RAB28: variants seen among roughly 807,000 people sequenced by gnomAD.
The protein encoded by RAB28 is ras-related protein Rab-28.
Under a neutral mutation model 31.7 loss-of-function variants are expected in RAB28, and 24 were observed. That is an observed-to-expected ratio of 0.76 (90% CI 0.55 to 1.06). The LOEUF (loss-of-function observed/expected upper bound fraction) is 1.06. RAB28 is among the 50% of genes least tolerant of loss of function. The probability of loss-of-function intolerance (pLI) is 0.00; values close to 1 mark genes in which losing one functional copy is unlikely to be tolerated. For missense variants in RAB28, 254 were observed against 258.5 expected (o/e 0.98, Z 0.12); for synonymous variants, 100 against 90.4 (o/e 1.11, Z -0.60).
At position 13,381,603 on chromosome 4, in the gene RAB28, G is replaced by A; in HGVS notation, c.392-9C>T. ...CATATGCTCCAAATCAACTAGAAAG[G>A]TGTTAAAGAAAGAAAATAATTCAAT... is the stretch of plus-strand genomic sequence containing the variant. On this transcript the variant is annotated splice_polypyrimidine_tract_variant and intron_variant, in intron 4 of 6. Coordinates refer to ENST00000330852, the MANE Select transcript of RAB28 (RefSeq NM_001017979.3). 6.3e-7 allele frequency: 1 copy of A among 1,590,906 alleles called. No homozygotes were observed. The highest frequency in any genetic ancestry group is 8.6e-7 in the Non-Finnish European group (1 of 1,164,786).
At chr4:13,475,376 G>C (rs963497471) in intron 2 of RAB28, among the ~76,000 whole-genome samples, 1 of 151,212 alleles carries the variant, frequency 6.6e-6, no homozygotes, top group Non-Finnish European at 1.5e-5. Flanking sequence ...AGCACTTTTT[G>C]AATGATTTGC....
chr4:13,483,383 G>A lies in RAB28; in HGVS notation c.75+693C>T, dbSNP rs758915226. Among the ~76,000 whole-genome samples, 22 of 152,278 alleles carry A rather than the reference G, an allele frequency of 1.4e-4. No individual in the cohort carries two copies. The Middle Eastern group carries it at 0.01, about 71-fold the overall frequency. Reference sequence around the variant, plus strand: ...CGTAACAGGAGCTCCATAAACACTTGTTGACTGACTGCTTGTATCGAGTGC... The same window carrying A: ...CGTAACAGGAGCTCCATAAACACTTATTGACTGACTGCTTGTATCGAGTGC... On this transcript the variant is annotated intron_variant, in intron 1 of 6. Transcript: ENST00000330852.
At chr4:13,380,333 C>T (rs1200904740) in intron 5 of RAB28, among the ~76,000 whole-genome samples, 1 of 151,982 alleles carries the variant, frequency 6.6e-6, no homozygotes, top group Non-Finnish European at 1.5e-5. Context: ...AAATTTCAAA[C>T]TTCTTTTAGT....
rs541976232 is a variant in RAB28 at position 13,415,420 on chromosome 4, G to A, written c.392-33826C>T. Among the ~76,000 whole-genome samples, 11 of 152,268 alleles carry A rather than the reference G, an allele frequency of 7.2e-5. No homozygotes were observed. In the South Asian group the frequency reaches 1.7e-3, roughly 23 times the overall value. ...GGAGGGAGAGGCGCAGGCGGGAACC[G>A]GGGCTGCGCGGTGCTTGCAGGCCAG... On this transcript the variant is annotated intron_variant, in intron 4 of 6. Transcript: ENST00000330852.
intron 4 of RAB28, among the ~76,000 whole-genome samples, chr4:13,430,072 A>C (rs551272322): frequency 6.6e-6 from 1 of 152,246 alleles, no homozygotes; most frequent in Non-Finnish European, 1.5e-5. Context: ...TGTGAAGACC[A>C]CTCCGTGGGA....
At chr4:13,373,728 T>C (rs1363561179) in intron 6 of RAB28, among the ~76,000 whole-genome samples, 3 of 152,172 alleles carry the variant, frequency 2.0e-5, no homozygotes, top group Admixed American at 6.5e-5. Flanking sequence ...AAATTGTCAG[T>C]GAATGAAACT....
chr4:13,370,352 A>G, intron 6 of RAB28: 2 of 945,730 alleles, frequency 2.1e-6, no homozygotes, highest in Non-Finnish European at 2.5e-6. Flanking sequence ...TTAAAGTGCA[A>G]TAAAAGGATT....
chr4:13,371,309 A>C, intron 6 of RAB28: 17 of 985,268 alleles, frequency 1.7e-5, no homozygotes, highest in Non-Finnish European at 2.0e-5. Context: ...GGGGTACATC[A>C]GTGAAATATT....
intron 4 of RAB28, among the ~76,000 whole-genome samples, chr4:13,389,655 T>C (rs10939477): frequency 0.12 from 17,540 of 152,200 alleles, 1,125 homozygotes; most frequent in South Asian, 0.27. Flanking sequence ...CTCAGATTAT[T>C]TGAAGGCAAA....
intron 4 of RAB28, among the ~76,000 whole-genome samples, chr4:13,387,333 A>G (rs1179745280): frequency 6.6e-6 from 1 of 152,106 alleles, no homozygotes. Context: ...TGGTCATCTC[A>G]CATGTAATCA....
chr4:13,377,022 C>T (rs1041706812), intron 5 of RAB28, among the ~76,000 whole-genome samples: 4 of 152,028 alleles, frequency 2.6e-5, no homozygotes, highest in African/African-American at 9.7e-5. Flanking sequence ...TATCTTGGTC[C>T]TTTTAGCCAC....
chr4:13,392,879 C>T lies in RAB28; in HGVS notation c.392-11285G>A, dbSNP rs1577167812. On this transcript the variant is annotated intron_variant, in intron 4 of 6. Coordinates refer to ENST00000330852, the MANE Select transcript of RAB28 (RefSeq NM_001017979.3). ...CAATAAATATAGTGAGTGTTCTCAT[C>T]TATAAAATGAAAACAATAACAATAC... Among the ~76,000 whole-genome samples, 3 of 152,204 alleles carry T rather than the reference C, an allele frequency of 2.0e-5. No individual in the cohort carries two copies. In the South Asian group the frequency reaches 6.2e-4, roughly 32 times the overall value.
chr4:13,430,006 A>C (rs541544233), intron 4 of RAB28, among the ~76,000 whole-genome samples: 1 of 152,316 alleles, frequency 6.6e-6, no homozygotes, highest in South Asian at 2.1e-4. Context: ...ATGAAACAGA[A>C]GTGAGAGTCC....
At chr4:13,396,344 C>G (rs532985105) in intron 4 of RAB28, among the ~76,000 whole-genome samples, 1 of 152,048 alleles carries the variant, frequency 6.6e-6, no homozygotes, top group South Asian at 2.1e-4. Context: ...TGTTTATGCC[C>G]CTACTCAGAT....
At chr4:13,379,263 G>C (rs2108880634) in intron 5 of RAB28, among the ~76,000 whole-genome samples, 1 of 150,808 alleles carries the variant, frequency 6.6e-6, no homozygotes, top group East Asian at 1.9e-4. Flanking sequence ...GATAGACTAG[G>C]GATATAGAGC....
At chr4:13,397,247 A>C (rs1270427949) in intron 4 of RAB28, among the ~76,000 whole-genome samples, 4 of 152,156 alleles carry the variant, frequency 2.6e-5, no homozygotes, top group Admixed American at 6.5e-5. Context: ...GCATTTATAT[A>C]AAAATATTAA....
In RAB28 at chr4:13,377,868, G is replaced by A. The variant is rs1364605493; in HGVS notation, c.496-1246C>T. ...AAGGGGATTTGGTGACAGATGTGGGGTGTGAGAGAAAAAGAGGAGTCAAGA... is the reference window on the plus strand; with the variant it reads ...AAGGGGATTTGGTGACAGATGTGGGATGTGAGAGAAAAAGAGGAGTCAAGA... On this transcript the variant is annotated intron_variant, in intron 5 of 6. Transcript: ENST00000330852. Among the ~76,000 whole-genome samples the A allele has an allele frequency of 2.0e-5, 3 of 152,198 alleles. No individual in the cohort carries two copies. In the East Asian group the frequency reaches 5.8e-4, roughly 29 times the overall value.
intron 4 of RAB28, among the ~76,000 whole-genome samples, chr4:13,405,659 T>C (rs571710144): frequency 5.6e-4 from 85 of 152,222 alleles, no homozygotes; most frequent in African/African-American, 1.9e-3. Flanking sequence ...GGGAGAGCAA[T>C]AAAAGAGGAA....
At chr4:13,478,272 G>A (rs1202784369) in intron 2 of RAB28, among the ~76,000 whole-genome samples, 1 of 151,652 alleles carries the variant, frequency 6.6e-6, no homozygotes, top group East Asian at 1.9e-4. Flanking sequence ...AACAAAGTAC[G>A]CATATGTTTC....
Sources: gnomAD v4.1 joint callset for allele counts (sites outside exome capture counted in the v4.1 genomes callset) on GRCh38, gnomAD v4.1.1 for gene constraint, MANE v1.5 for transcripts, NCBI Gene and HGNC (gene_info 2026-07-23, HGNC 2026-07-21) for gene names.